LMX1A: variants seen among roughly 807,000 people sequenced by gnomAD.
The protein encoded by LMX1A is LIM homeobox transcription factor 1-alpha.
LMX1A carries 15 observed loss-of-function variants against 49.1 expected under a neutral mutation model. That is an observed-to-expected ratio of 0.31 (90% CI 0.20 to 0.47). LMX1A has a LOEUF of 0.47. LMX1A is among the 20% of genes least tolerant of loss of function. The probability of loss-of-function intolerance (pLI) is 1.00; values close to 1 mark genes in which losing one functional copy is unlikely to be tolerated. For synonymous variants in LMX1A, 167 were observed against 185.7 expected (o/e 0.90, Z 0.82); for missense variants, 372 against 475.8 (o/e 0.78, Z 2.03).
chr1:165,302,823 A>G (rs1342087892), intron 3 of LMX1A, among the ~76,000 whole-genome samples: 1 of 152,178 alleles, frequency 6.6e-6, no homozygotes, highest in Non-Finnish European at 1.5e-5. Flanking sequence ...GTATGTGAGG[A>G]GGCTACCAGT....
intron 4 of LMX1A, among the ~76,000 whole-genome samples, chr1:165,236,448 G>A (rs1364950723): frequency 1.3e-5 from 2 of 151,436 alleles, no homozygotes; most frequent in Admixed American, 6.6e-5. Flanking sequence ...AGAGATGCCG[G>A]GTCAAATACA....
chr1:165,229,331 G>A (rs1001132922), intron 4 of LMX1A, among the ~76,000 whole-genome samples: 3 of 152,162 alleles, frequency 2.0e-5, no homozygotes, highest in Non-Finnish European at 2.9e-5. Flanking sequence ...AAAACCCCAA[G>A]ATTCAGGACC....
At chr1:165,271,310 G>T (rs1450471035) in intron 3 of LMX1A, among the ~76,000 whole-genome samples, 1 of 152,220 alleles carries the variant, frequency 6.6e-6, no homozygotes, top group African/African-American at 2.4e-5. Context: ...TAGGTAGCAA[G>T]CTGGACAATG....
rs35818694 is a variant in LMX1A, at chr1:165,301,372, A to AACACAC, written c.263+51698_263+51703dup. On this transcript the variant is annotated intron_variant, in intron 3 of 8. Coordinates refer to ENST00000342310, the MANE Select transcript of LMX1A (RefSeq NM_177398.4). ...CTGAGTCCAAGATTACACTCCCGACAACACACACACACACACTTCTCTGCC... is the reference window on the plus strand; with the variant it reads ...CTGAGTCCAAGATTACACTCCCGACAACACACACACACACACACACACTTCTCTGCC... Among the ~76,000 whole-genome samples the AACACAC allele has an allele frequency of 4.4e-4, 67 of 151,264 alleles. 1 individual carries two copies. The highest frequency in any genetic ancestry group is 1.5e-3 in the African/African-American group (61 of 41,274).
At chr1:165,339,969 G>A (rs12061694) in intron 3 of LMX1A, among the ~76,000 whole-genome samples, 2 of 151,960 alleles carry the variant, frequency 1.3e-5, no homozygotes, top group Non-Finnish European at 2.9e-5. Flanking sequence ...TGGTATCTTT[G>A]CCCCCCATCT....
chr1:165,235,766 C>A (rs920234241), intron 4 of LMX1A, among the ~76,000 whole-genome samples: 1 of 152,164 alleles, frequency 6.6e-6, no homozygotes, highest in African/African-American at 2.4e-5. Flanking sequence ...TCTTTCAGAG[C>A]GGCTTGTTTA....
chr1:165,209,034 T>G (rs983454652), intron 6 of LMX1A, among the ~76,000 whole-genome samples: 2 of 152,132 alleles, frequency 1.3e-5, no homozygotes, highest in Admixed American at 6.5e-5. Context: ...ATACTTTGAG[T>G]GTGTGTATGT....
chr1:165,327,023 T>C (rs560995649), intron 3 of LMX1A, among the ~76,000 whole-genome samples: 68 of 152,270 alleles, frequency 4.5e-4, no homozygotes, highest in African/African-American at 1.5e-3. Flanking sequence ...ACATCCACCA[T>C]GGCTCAACAA....
chr1:165,206,846 C>T (rs1651103666), intron 7 of LMX1A, among the ~76,000 whole-genome samples: 1 of 152,148 alleles, frequency 6.6e-6, no homozygotes, highest in Admixed American at 6.5e-5. Flanking sequence ...TTCTTCTCTC[C>T]CTAACATCTA....
At chr1:165,323,563 C>T (rs1042202912) in intron 3 of LMX1A, among the ~76,000 whole-genome samples, 5 of 152,238 alleles carry the variant, frequency 3.3e-5, no homozygotes, top group African/African-American at 1.2e-4. Flanking sequence ...AAATGCGTAC[C>T]CAGATGCCAC....
At chr1:165,291,199 T>A (rs1179758428) in intron 3 of LMX1A, among the ~76,000 whole-genome samples, 2 of 152,214 alleles carry the variant, frequency 1.3e-5, no homozygotes, top group Non-Finnish European at 2.9e-5. Flanking sequence ...CAGCTAATGA[T>A]TAAATGCCAA....
At chr1:165,252,663 G>A (rs767538893) in intron 3 of LMX1A, among the ~76,000 whole-genome samples, 1 of 152,110 alleles carries the variant, frequency 6.6e-6, no homozygotes, top group Non-Finnish European at 1.5e-5. Context: ...GTCAGATAGC[G>A]TACAGGAGAG....
At chr1:165,343,395 AAATAATAATAATAATAAT>A (rs56236301) in intron 3 of LMX1A, among the ~76,000 whole-genome samples, 15 of 149,140 alleles carry the variant, frequency 1.0e-4, no homozygotes, top group Admixed American at 2.0e-4. Flanking sequence ...ACTCATATAT[AAATAATAATAATAATAAT>A]AATAATAATA....
At chr1:165,334,937 ACT>A (rs1487064416) in intron 3 of LMX1A, among the ~76,000 whole-genome samples, 5 of 151,952 alleles carry the variant, frequency 3.3e-5, no homozygotes, top group African/African-American at 4.8e-5. Flanking sequence ...CAGGGAGGAA[ACT>A]CTGTCCTAGA....
intron 4 of LMX1A, among the ~76,000 whole-genome samples, chr1:165,228,759 G>A (rs1386458679): frequency 6.6e-6 from 1 of 152,098 alleles, no homozygotes. Context: ...GAATTCATTG[G>A]AAATTAGTAC....
chr1:165,309,603 G>A (rs1436210723), intron 3 of LMX1A, among the ~76,000 whole-genome samples: 2 of 152,192 alleles, frequency 1.3e-5, no homozygotes, highest in East Asian at 3.8e-4. Flanking sequence ...AGCTTGTGCT[G>A]TAGATTATTG....
intron 6 of LMX1A, 136 bp from the exon 7 acceptor site, chr1:165,208,268 G>A: frequency 1.4e-6 from 1 of 696,654 alleles, no homozygotes; most frequent in East Asian, 2.7e-5. Context: ...TAGTAAAGGA[G>A]CAACAGTGGC....
chr1:165,249,645 C>A lies in LMX1A; in HGVS notation c.264-5G>T. Reference sequence around the variant, plus strand: ...CCACATTTAACAGCAAACAGCCTGGCAGCAGGGAGAAAGGAAGTACATGCA... The same window carrying A: ...CCACATTTAACAGCAAACAGCCTGGAAGCAGGGAGAAAGGAAGTACATGCA... On this transcript the variant is annotated splice_region_variant and splice_polypyrimidine_tract_variant and intron_variant, in intron 3 of 8. Transcript: ENST00000342310. 6.2e-7 allele frequency: 1 copy of A among 1,611,582 alleles called. No homozygotes were observed. Among genetic ancestry groups the A allele is most frequent in the South Asian group, 1.1e-5 (1 of 90,604 alleles).
Position 165,355,622 on chromosome 1 carries a change from G to T in LMX1A, c.-22-41C>A. On this transcript the variant is annotated intron_variant, in intron 1 of 8. Coordinates refer to ENST00000342310, the MANE Select transcript of LMX1A (RefSeq NM_177398.4). The surrounding 1 kb of genome is among the most constrained non-coding windows in gnomAD (Gnocchi z 4.7). Reference sequence around the variant, plus strand: ...AACGATGCGTCTGACGTCCGTGCCCGCTGGGACTCGGCGCCAGCAGCCACC... The same window carrying T: ...AACGATGCGTCTGACGTCCGTGCCCTCTGGGACTCGGCGCCAGCAGCCACC... 6.7e-7 allele frequency: 1 copy of T among 1,501,000 alleles called. No individual in the cohort carries two copies. The highest frequency in any genetic ancestry group is 9.2e-7 in the Non-Finnish European group (1 of 1,088,616). 93.0% of individuals were successfully genotyped at this position (1,501,000 alleles called of 1,614,324 possible). A position where few individuals can be genotyped will look rare whatever the true frequency, so the allele number is the denominator to read the frequency against.
Sources: allele counts gnomAD v4.1 joint callset (sites outside exome capture counted in the v4.1 genomes callset), GRCh38; gene constraint gnomAD v4.1.1; non-coding constraint Gnocchi (gnomAD v3.1); transcripts MANE v1.5; gene names NCBI Gene and HGNC (gene_info 2026-07-23, HGNC 2026-07-21).